The following SEMA3D variants were observed in gnomAD, a reference collection of about 807,000 sequenced individuals.
The protein encoded by SEMA3D is semaphorin 3D.
Under a neutral mutation model 100.1 loss-of-function variants are expected in SEMA3D, and 84 were observed. The ratio of observed to expected loss-of-function variants is 0.84; its 90% confidence interval spans 0.70 to 1.01. SEMA3D has a LOEUF of 1.01. Among genes scored for constraint, SEMA3D ranks in the 50% least tolerant of loss-of-function variants. The pLI is 0.00. For synonymous variants in SEMA3D, 312 were observed against 320.7 expected, an observed-to-expected ratio of 0.97 and a Z score of 0.29; for missense variants, 875 against 934.1, an observed-to-expected ratio of 0.94 and a Z score of 0.82.
chr7:85,011,599 T>C (rs1388319469), intron 17 of SEMA3D, among the ~76,000 whole-genome samples: 1 of 151,866 alleles, frequency 6.6e-6, no homozygotes, highest in East Asian at 1.9e-4. Context: ...GTTTTCTTTG[T>C]TGTTCATTGC....
chr7:84,998,012 TG>T lies in SEMA3D; in HGVS notation c.*1427del, dbSNP rs1789549068. 6.6e-6 allele frequency: 1 copy of T among 152,204 alleles called. No homozygotes were observed. The highest frequency in any genetic ancestry group is 1.5e-5 in the Non-Finnish European group (1 of 68,002). The allele number at this position is 152,204 out of a possible 1,614,324, so 9.4% of individuals were successfully genotyped here. ...TATTGTGAGTTTGGTTCTTTTTACA[TG>T]TAGCAGGCTTATTTATTGTTAAATT... On this transcript the variant is annotated 3_prime_UTR_variant, in exon 19 of 19. Transcript: ENST00000284136.
At chr7:85,039,962 G>A (rs1046610857) in intron 11 of SEMA3D, among the ~76,000 whole-genome samples, 1 of 142,976 alleles carries the variant, frequency 7.0e-6, no homozygotes, top group Non-Finnish European at 1.5e-5. Flanking sequence ...TAATATATAC[G>A]CAAACACTTT....
chr7:85,146,532 T>G (rs990246221), intron 2 of SEMA3D, among the ~76,000 whole-genome samples: 2 of 150,634 alleles, frequency 1.3e-5, no homozygotes, highest in Admixed American at 6.6e-5. Flanking sequence ...CCAGCCTGGG[T>G]GACAGAGTGA....
At chr7:85,136,101 T>A (rs774515562) in intron 2 of SEMA3D, among the ~76,000 whole-genome samples, 1 of 152,088 alleles carries the variant, frequency 6.6e-6, no homozygotes, top group Non-Finnish European at 1.5e-5. Context: ...TGTAGAGATG[T>A]AGAGATTATT....
Position 85,042,292 on chromosome 7 carries a change from TG to T in SEMA3D, c.862-8del. On this transcript the variant is annotated splice_polypyrimidine_tract_variant and splice_region_variant and intron_variant, in intron 9 of 18. Coordinates refer to ENST00000284136, the MANE Select transcript of SEMA3D (RefSeq NM_001384900.1). The stretch of plus-strand genomic sequence containing the variant: ...GTTGTCCTCCTACATCATTCTGACA[TG>T]AAAAAAAAAATAAAGATAAATATTT... 6.4e-7 allele frequency: 1 copy of T among 1,561,912 alleles called. No homozygotes were observed. The highest frequency in any genetic ancestry group is 8.8e-7 in the Non-Finnish European group (1 of 1,139,646).
At chr7:85,111,191 C>G (rs1437603594) in intron 3 of SEMA3D, among the ~76,000 whole-genome samples, 1 of 151,962 alleles carries the variant, frequency 6.6e-6, no homozygotes, top group Non-Finnish European at 1.5e-5. Flanking sequence ...CTGCTTCATC[C>G]CTTAATTATT....
At chr7:85,026,362 A>G (rs1790390868) in intron 12 of SEMA3D, among the ~76,000 whole-genome samples, 1 of 152,058 alleles carries the variant, frequency 6.6e-6, no homozygotes, top group South Asian at 2.1e-4. Context: ...TATGATAGAG[A>G]GACATGAGTG....
At chr7:85,167,125 G>A (rs976844058) in intron 1 of SEMA3D, 16 of 247,638 alleles carry the variant, frequency 6.5e-5, no homozygotes, top group Non-Finnish European at 8.3e-5. Flanking sequence ...ACTGAGACCC[G>A]CCTGAAGATC....
chr7:85,016,251 T>C (rs1357560135), intron 15 of SEMA3D, among the ~76,000 whole-genome samples: 1 of 49,292 alleles, frequency 2.0e-5, no homozygotes, highest in Non-Finnish European at 3.8e-5. Flanking sequence ...TTGTGATTCC[T>C]TTTTTTTTTT....
intron 2 of SEMA3D, among the ~76,000 whole-genome samples, chr7:85,147,103 T>C (rs898448663): frequency 5.6e-5 from 7 of 124,952 alleles, no homozygotes; most frequent in East Asian, 2.2e-4. Context: ...TTTTTTTTTT[T>C]TTTTTTTTTT....
intron 1 of SEMA3D, among the ~76,000 whole-genome samples, chr7:85,184,692 G>A (rs1791493439): frequency 6.6e-6 from 1 of 152,136 alleles, no homozygotes; most frequent in South Asian, 2.1e-4. Flanking sequence ...ATTCGAATCA[G>A]TACTGTTTTA....
rs1790062201 is a variant in SEMA3D, at chr7:85,015,156, T to C, written c.1606A>G (p.Thr536Ala). 6.2e-7 allele frequency: 1 copy of C among 1,611,722 alleles called. No individual in the cohort carries two copies. The highest frequency in any genetic ancestry group is 1.1e-5 in the South Asian group (1 of 91,018). The part of the protein sequence containing the change: ...LVQLSLHRCD[T>A]YGKACADCCL... ...CAGTCTGCGCAAGCTTTCCCATAAG[T>C]GTCGCATCTGTGCAAGGAGAGCTGA... The change falls in exon 16 of 19, where the codon ACT (threonine) becomes GCT (alanine). Residue 536 changes from threonine (T) to alanine (A), a missense_variant. Thr to Ala is a moderately conservative substitution (Grantham distance 58, BLOSUM62 0). Coordinates refer to ENST00000284136, the MANE Select transcript of SEMA3D (RefSeq NM_001384900.1).
chr7:85,138,646 AT>A (rs1040106092), intron 2 of SEMA3D, among the ~76,000 whole-genome samples: 6 of 102,178 alleles, frequency 5.9e-5, no homozygotes, highest in African/African-American at 3.2e-4. Context: ...AATTATATAT[AT>A]TTAATTTAAT....
chr7:85,039,890 T>C (rs1184073060), intron 11 of SEMA3D, among the ~76,000 whole-genome samples: 1 of 151,812 alleles, frequency 6.6e-6, no homozygotes, highest in Non-Finnish European at 1.5e-5. Flanking sequence ...TAACCATTTA[T>C]CCACGTATTT....
At chr7:85,051,622 C>T (rs1424555434) in intron 9 of SEMA3D, among the ~76,000 whole-genome samples, 1 of 151,926 alleles carries the variant, frequency 6.6e-6, no homozygotes, top group Non-Finnish European at 1.5e-5. Flanking sequence ...CAGTGTACTG[C>T]TGATTTTCAA....
chr7:85,238,030 A>G, the SEMA3D span, among the ~76,000 whole-genome samples: 1 of 152,220 alleles, frequency 6.6e-6, no homozygotes, highest in Non-Finnish European at 1.5e-5. Flanking sequence ...AATGTTGAAC[A>G]TCTTTTCAAA....
rs971777479 is a variant in SEMA3D at position 85,082,985 on chromosome 7, C to G, written c.313-1406G>C. On this transcript the variant is annotated intron_variant, in intron 4 of 18. Transcript: ENST00000284136. Reference sequence around the variant, plus strand: ...GAATCACTGTAGTTCTACTATCACACAACTTTAAATAGTAGCCAGCAGTCA... The same window carrying G: ...GAATCACTGTAGTTCTACTATCACAGAACTTTAAATAGTAGCCAGCAGTCA... Among the ~76,000 whole-genome samples the G allele has an allele frequency of 1.3e-5, 2 of 152,204 alleles. 1 individual carries two copies. Among genetic ancestry groups the G allele is most frequent in the Admixed American group, 1.3e-4 (2 of 15,284 alleles).
chr7:85,068,291 T>C lies in SEMA3D; in HGVS notation c.496-7A>G, dbSNP rs777379978. 4.1e-6 allele frequency: 6 copies of C among 1,446,348 alleles called. No individual in the cohort carries two copies. In the East Asian group the frequency reaches 6.8e-5, roughly 16 times the overall value. The allele number at this position is 1,446,348 out of a possible 1,614,324, so 89.6% of individuals were successfully genotyped here. On this transcript the variant is annotated splice_region_variant and splice_polypyrimidine_tract_variant and intron_variant, in intron 6 of 18. Transcript: ENST00000284136. ...CTAGTTTGAATATAATATCCTGTTA[T>C]GAGAAATATTAACACTAGTGAACTT... is the stretch of plus-strand genomic sequence containing the variant.
chr7:85,110,652 C>A (rs544327550), intron 3 of SEMA3D, among the ~76,000 whole-genome samples: 131 of 152,080 alleles, frequency 8.6e-4, no homozygotes, highest in African/African-American at 3.0e-3. Flanking sequence ...GAAAAATAAT[C>A]TCATCAATAC....
Sources: allele counts gnomAD v4.1 joint callset (sites outside exome capture counted in the v4.1 genomes callset), GRCh38; gene constraint gnomAD v4.1.1; transcripts MANE v1.5; gene names NCBI Gene and HGNC (gene_info 2026-07-23, HGNC 2026-07-21).